Variants in PHACTR3 observed in about 807,000 individuals in gnomAD.
PHACTR3 encodes phosphatase and actin regulator 3.
In PHACTR3, 16 loss-of-function variants were observed where a neutral mutation model predicts 66.8. The ratio of observed to expected loss-of-function variants is 0.24; its 90% CI spans 0.16 to 0.36. The LOEUF (loss-of-function observed/expected upper bound fraction) is 0.36. PHACTR3 is among the 10% of genes least tolerant of loss of function. PHACTR3 has a pLI of 1.00. For synonymous variants in PHACTR3, 323 were observed against 292.1 expected, an observed-to-expected ratio of 1.11 and a Z score of -1.08; for missense variants, 647 against 719.9, an observed-to-expected ratio of 0.90 and a Z score of 1.16.
At chr20:59,722,647 A>T (rs2038360662) in intron 1 of PHACTR3, among the ~76,000 whole-genome samples, 1 of 152,038 alleles carries the variant, frequency 6.6e-6, no homozygotes, top group Non-Finnish European at 1.5e-5. Flanking sequence ...GTGGACCGGG[A>T]AGTGGCCAGA....
rs1287039140 is a variant in PHACTR3 at position 59,695,537 on chromosome 20, C to T, written c.119-47570C>T. Among the ~76,000 whole-genome samples the T allele has an allele frequency of 8.5e-5, 13 of 152,278 alleles. No homozygotes were observed. The East Asian group carries it at 2.1e-3, about 25-fold the overall frequency. ...ATAAATTACCCAGTCTCAGGTAGTT[C>T]TTTATAGCAATCCAAGAATGGACTA... On this transcript the variant is annotated intron_variant, in intron 1 of 12. Transcript: ENST00000371015.
intron 1 of PHACTR3, among the ~76,000 whole-genome samples, chr20:59,683,062 G>A (rs1033112407): frequency 3.3e-5 from 5 of 152,220 alleles, no homozygotes; most frequent in Admixed American, 6.5e-5. Context: ...GCCACAGTGA[G>A]GTTGTGGACG....
chr20:59,618,279 C>A (rs997820855), intron 1 of PHACTR3, among the ~76,000 whole-genome samples: 1 of 152,028 alleles, frequency 6.6e-6, no homozygotes, highest in African/African-American at 2.4e-5. Context: ...TGGGGAGGAG[C>A]TTGTCTGCCA....
rs191565744 is a variant in PHACTR3 at position 59,810,160 on chromosome 20, G to A, written c.1328+3966G>A. Among the ~76,000 whole-genome samples, 310 of 152,348 alleles carry A rather than the reference G, an allele frequency of 2.0e-3. 3 individuals are homozygous for A. The highest frequency in any genetic ancestry group is 0.019 in the Admixed American group (295 of 15,308). ...AACAACAAAAATTATGGTGGGGCTTGGAATGAGAGATGCCTGGGGTCCCCA... is the reference window on the plus strand; with the variant it reads ...AACAACAAAAATTATGGTGGGGCTTAGAATGAGAGATGCCTGGGGTCCCCA... On this transcript the variant is annotated intron_variant, in intron 8 of 12. Transcript: ENST00000371015.
At chr20:59,837,539 A>C (rs1470750243) in intron 9 of PHACTR3, among the ~76,000 whole-genome samples, 2 of 152,160 alleles carry the variant, frequency 1.3e-5, no homozygotes, top group Non-Finnish European at 2.9e-5. Context: ...TCAGATAAAG[A>C]CTTCTTCATT....
chr20:59,605,158 GCGGGT>G, intron 1 of PHACTR3, 26 bp downstream of exon 1: 4 of 1,275,884 alleles, frequency 3.1e-6, no homozygotes, highest in Non-Finnish European at 4.0e-6. Context: ...GGGGCGGCGG[GCGGGT>G]CGGGGAGGCC....
At position 59,738,194 on chromosome 20, in the gene PHACTR3, C is replaced by T. The variant is rs2039023072; in HGVS notation, c.119-4913C>T. 6.6e-6 allele frequency among the ~76,000 whole-genome samples: 1 copy of T among 152,060 alleles called. No homozygotes were observed. The highest frequency in any genetic ancestry group is 1.5e-5 in the Non-Finnish European group (1 of 68,002). On this transcript the variant is annotated intron_variant, in intron 1 of 12. Transcript: ENST00000371015. The surrounding 1 kb of genome is among the most constrained non-coding windows in gnomAD (Gnocchi z 4.4). ...AAGGGGATGCAGGGAGTCAATGCTT[C>T]AACCTCCTGTTAGTAAGTGGCAGGG...
At chr20:59,723,570 G>C (rs149535971) in intron 1 of PHACTR3, among the ~76,000 whole-genome samples, 1 of 152,028 alleles carries the variant, frequency 6.6e-6, no homozygotes, top group Non-Finnish European at 1.5e-5. Context: ...GCATATTCAC[G>C]TGCACATTTT....
chr20:59,654,372 C>A (rs376621335), intron 1 of PHACTR3, among the ~76,000 whole-genome samples: 6 of 151,966 alleles, frequency 3.9e-5, no homozygotes, highest in African/African-American at 1.4e-4. Flanking sequence ...ATTTGACAAC[C>A]CAAATGAAAT....
chr20:59,580,310 AG>A (rs1724078971), intron 1 of PHACTR3, among the ~76,000 whole-genome samples: 1 of 152,176 alleles, frequency 6.6e-6, no homozygotes, highest in Non-Finnish European at 1.5e-5. Context: ...GACCTCAAGA[AG>A]GTCCCTTTGA....
At chr20:59,702,116 G>A (rs536035569) in intron 1 of PHACTR3, among the ~76,000 whole-genome samples, 3 of 152,296 alleles carry the variant, frequency 2.0e-5, no homozygotes, top group South Asian at 2.1e-4. Flanking sequence ...CCTGTGGAAG[G>A]ACATCTTGGC....
At chr20:59,683,412 G>A (rs191272442) in intron 1 of PHACTR3, among the ~76,000 whole-genome samples, 29 of 152,232 alleles carry the variant, frequency 1.9e-4, no homozygotes, top group African/African-American at 6.3e-4. Context: ...GAGCTAACGC[G>A]CTCTCTCCCT....
chr20:59,825,411 T>C (rs1258558014), intron 8 of PHACTR3, among the ~76,000 whole-genome samples: 1 of 152,180 alleles, frequency 6.6e-6, no homozygotes, highest in East Asian at 1.9e-4. Flanking sequence ...CAGTCACTTG[T>C]TCATTCATTC....
intron 1 of PHACTR3, among the ~76,000 whole-genome samples, chr20:59,681,469 A>G (rs1304510171): frequency 6.6e-6 from 1 of 152,226 alleles, no homozygotes; most frequent in Admixed American, 6.5e-5. Context: ...ACAGGGGTCC[A>G]TCCCAGGTTC....
At chr20:59,671,992 G>A (rs886385171) in intron 1 of PHACTR3, among the ~76,000 whole-genome samples, 3 of 152,246 alleles carry the variant, frequency 2.0e-5, no homozygotes, top group Non-Finnish European at 4.4e-5. Flanking sequence ...CTGAAATGTG[G>A]CCCATCAGGC....
chr20:59,602,469 A>C (rs1440796758), upstream of PHACTR3, among the ~76,000 whole-genome samples: 2 of 151,764 alleles, frequency 1.3e-5, no homozygotes, highest in Non-Finnish European at 2.9e-5. Context: ...AGAGAGAGAG[A>C]AAAGAAAAAA....
intron 1 of PHACTR3, among the ~76,000 whole-genome samples, chr20:59,739,079 G>A (rs1042336844): frequency 1.3e-5 from 2 of 152,184 alleles, no homozygotes; most frequent in African/African-American, 4.8e-5. Flanking sequence ...GTGGCCTTGG[G>A]GAGAGGGTGG....
At chr20:59,806,311 CAG>C in intron 8 of PHACTR3, 117 bp downstream of exon 8, 1 of 1,357,760 alleles carries the variant, frequency 7.4e-7, no homozygotes, top group Non-Finnish European at 1.0e-6. Context: ...CCGTCTGCAG[CAG>C]GTCTCTTGAC....
chr20:59,802,538 C>A (rs186262938), intron 7 of PHACTR3, among the ~76,000 whole-genome samples: 7 of 152,272 alleles, frequency 4.6e-5, no homozygotes, highest in African/African-American at 1.7e-4. Context: ...CTTTGCTCCA[C>A]TGGGATGGAA....
Sources: gnomAD v4.1 joint callset for allele counts (sites outside exome capture counted in the v4.1 genomes callset) on GRCh38, gnomAD v4.1.1 for gene constraint, Gnocchi (gnomAD v3.1) non-coding constraint, MANE v1.5 for transcripts, NCBI Gene and HGNC (gene_info 2026-07-23, HGNC 2026-07-21) for gene names.